The following LTBP1 variants were observed in gnomAD, a reference collection of about 807,000 sequenced individuals.
The protein encoded by LTBP1 is latent-transforming growth factor beta-binding protein 1.
In LTBP1, 129 loss-of-function variants were observed where a neutral mutation model predicts 207.6. The ratio of observed to expected loss-of-function variants is 0.62; its 90% CI spans 0.54 to 0.72. The LOEUF is 0.72. Among genes scored for constraint, LTBP1 ranks in the 30% least tolerant of loss-of-function variants. LTBP1 has a pLI of 0.00. For synonymous variants in LTBP1, 963 were observed against 833.7 expected (o/e 1.16, Z -2.67); for missense variants, 2,281 against 2,217.2 (o/e 1.03, Z -0.58).
At chr2:33,306,338 G>A (rs2149095738) in intron 22 of LTBP1, among the ~76,000 whole-genome samples, 1 of 152,270 alleles carries the variant, frequency 6.6e-6, no homozygotes, top group Middle Eastern at 3.4e-3. Flanking sequence ...GGGAGGCCGA[G>A]GCGGGTGAAT....
At chr2:33,200,245 C>T (rs1399683106) in intron 7 of LTBP1, among the ~76,000 whole-genome samples, 21 of 152,164 alleles carry the variant, frequency 1.4e-4, no homozygotes, top group Non-Finnish European at 2.6e-4. Context: ...GCTACAGTAA[C>T]CAAAACAGCG....
chr2:33,052,879 CTT>C lies in LTBP1; in HGVS notation c.863+31684_863+31685del, dbSNP rs35604414. ...ATCAAAATATAGTTTTTAAAACAGG[CTT>C]TTTTTTTTTTGAGATGGAGTCTCAC... On this transcript the variant is annotated intron_variant, in intron 3 of 33. Coordinates refer to ENST00000404816, the MANE Select transcript of LTBP1 (RefSeq NM_206943.4). 3.9e-3 allele frequency among the ~76,000 whole-genome samples: 567 copies of C among 146,680 alleles called. 4 individuals are homozygous for C. The highest frequency in any genetic ancestry group is 0.012 in the African/African-American group (501 of 40,086).
intron 4 of LTBP1, among the ~76,000 whole-genome samples, chr2:33,124,624 A>T (rs1246648320): frequency 6.6e-6 from 1 of 152,212 alleles, no homozygotes; most frequent in Non-Finnish European, 1.5e-5. Flanking sequence ...TAAGATGAGA[A>T]TTTTCCTAGA....
chr2:32,996,420 G>A (rs72791735), intron 2 of LTBP1, among the ~76,000 whole-genome samples: 14,409 of 152,166 alleles, frequency 0.095, 921 homozygotes, highest in Non-Finnish European at 0.14. Context: ...CGTATTGGGG[G>A]TTAGGATTTC....
chr2:32,959,621 A>ATATATATATATTTTTT (rs1475834284), intron 2 of LTBP1, among the ~76,000 whole-genome samples: 1 of 36,668 alleles, frequency 2.7e-5, no homozygotes, highest in Non-Finnish European at 5.0e-5. Context: ...ATATATATAT[A>ATATATATATATTTTTT]TTTTTTTTTT....
intron 7 of LTBP1, among the ~76,000 whole-genome samples, chr2:33,201,943 A>G (rs78663892): frequency 0.054 from 8,244 of 151,890 alleles, 749 homozygotes; most frequent in African/African-American, 0.19. Context: ...CCATTGGAGA[A>G]CAAGATTATC....
intron 7 of LTBP1, among the ~76,000 whole-genome samples, chr2:33,192,305 T>C (rs1231503505): frequency 6.6e-6 from 1 of 152,194 alleles, no homozygotes; most frequent in Non-Finnish European, 1.5e-5. Context: ...TGGGGCAGCC[T>C]GACCTTATGT....
At position 33,398,711 on chromosome 2, in the gene LTBP1, G is replaced by A. The variant is rs958667042; in HGVS notation, c.*166G>A. ...CAATGAGAGGATTTAGGATGAGCCC[G>A]ATAGGTGTGGCAGACCAAATGGACA... On this transcript the variant is annotated 3_prime_UTR_variant, in exon 34 of 34. Coordinates refer to ENST00000404816, the MANE Select transcript of LTBP1 (RefSeq NM_206943.4). The A allele has an allele frequency of 1.0e-5, 6 of 581,968 alleles. No homozygotes were observed. Among genetic ancestry groups the A allele is most frequent in the African/African-American group, 7.6e-5 (4 of 52,500 alleles). 36.1% of individuals were successfully genotyped at this position (581,968 alleles called of 1,614,324 possible).
At chr2:33,288,523 A>T (rs576123940) in intron 19 of LTBP1, among the ~76,000 whole-genome samples, 17 of 152,300 alleles carry the variant, frequency 1.1e-4, no homozygotes, top group Non-Finnish European at 2.2e-4. Context: ...TTACCAGAGG[A>T]TACGGAGAGA....
At chr2:33,319,106 C>CA (rs993659243) in intron 24 of LTBP1, among the ~76,000 whole-genome samples, 3 of 152,032 alleles carry the variant, frequency 2.0e-5, no homozygotes, top group Non-Finnish European at 4.4e-5. Context: ...TCTCTTAAAA[C>CA]AAAAAATCTG....
At chr2:33,380,019 A>C (rs1558327497) in intron 31 of LTBP1, among the ~76,000 whole-genome samples, 1 of 152,258 alleles carries the variant, frequency 6.6e-6, no homozygotes, top group East Asian at 1.9e-4. Context: ...TTAGTAAAAG[A>C]AAACAAAATT....
intron 9 of LTBP1, among the ~76,000 whole-genome samples, chr2:33,228,249 T>G (rs1345266786): frequency 6.6e-6 from 1 of 152,218 alleles, no homozygotes; most frequent in Non-Finnish European, 1.5e-5. Context: ...AAATAATGAA[T>G]TAATTTGATT....
intron 3 of LTBP1, among the ~76,000 whole-genome samples, chr2:33,090,683 G>T (rs7605699): frequency 3.9e-5 from 6 of 152,004 alleles, no homozygotes; most frequent in African/African-American, 1.4e-4. Context: ...CCCTGTTGAT[G>T]ATCTTTGCTG....
chr2:33,255,037 A>G lies in LTBP1; in HGVS notation c.2167+2193A>G, dbSNP rs1231183311. Among the ~76,000 whole-genome samples the G allele has an allele frequency of 5.2e-5, 7 of 135,538 alleles. No individual in the cohort carries two copies. In the East Asian group the frequency reaches 1.7e-3, roughly 32 times the overall value. The allele number at this position is 135,538 out of a possible 152,430, so 88.9% of individuals were successfully genotyped here. On this transcript the variant is annotated intron_variant, in intron 11 of 33. Coordinates refer to ENST00000404816, the MANE Select transcript of LTBP1 (RefSeq NM_206943.4). ...GGTGCGCTGCACCCACTAACTCGTCATCTAGCATTAGGTATATCTCCCAGT... is the reference window on the plus strand; with the variant it reads ...GGTGCGCTGCACCCACTAACTCGTCGTCTAGCATTAGGTATATCTCCCAGT...
At chr2:33,307,023 G>A (rs1237139006) in intron 22 of LTBP1, among the ~76,000 whole-genome samples, 1 of 152,142 alleles carries the variant, frequency 6.6e-6, no homozygotes, top group Admixed American at 6.5e-5. Context: ...GGGAGGCGGA[G>A]GTTGCAGTGA....
intron 31 of LTBP1, among the ~76,000 whole-genome samples, chr2:33,368,019 A>C (rs777285931): frequency 1.3e-5 from 2 of 152,140 alleles, no homozygotes; most frequent in Non-Finnish European, 2.9e-5. Flanking sequence ...GATCAAGACC[A>C]TACTGGCTAA....
chr2:32,948,598 G>C (rs1439396334), intron 1 of LTBP1, among the ~76,000 whole-genome samples: 1 of 152,198 alleles, frequency 6.6e-6, no homozygotes, highest in African/African-American at 2.4e-5. Context: ...TAATTTGGGG[G>C]TAAGAAAACC....
In LTBP1 at chr2:33,026,021, A is replaced by C. The variant is rs74364416; in HGVS notation, c.863+4815A>C. On this transcript the variant is annotated intron_variant, in intron 3 of 33. Transcript: ENST00000404816. ...CTCCTAATTGACAATAGTAACAATA[A>C]AACGTAAGCTCATTCTCTTTATTTG... 3.9e-4 allele frequency among the ~76,000 whole-genome samples: 59 copies of C among 152,278 alleles called. No homozygotes were observed. In the East Asian group the frequency reaches 0.011, roughly 28 times the overall value.
At chr2:33,353,547 C>T (rs373964401) in intron 26 of LTBP1, among the ~76,000 whole-genome samples, 17 of 152,182 alleles carry the variant, frequency 1.1e-4, no homozygotes, top group African/African-American at 4.1e-4. Context: ...ATTAGAAGCA[C>T]ATGTCCCTTT....
Sources: gnomAD v4.1 joint callset for allele counts (sites outside exome capture counted in the v4.1 genomes callset) on GRCh38, gnomAD v4.1.1 for gene constraint, MANE v1.5 for transcripts, NCBI Gene and HGNC (gene_info 2026-07-23, HGNC 2026-07-21) for gene names.